Variants in PTH2R observed in about 807,000 individuals in gnomAD.
PTH2R encodes parathyroid hormone 2 receptor.
Under a neutral mutation model 60.3 loss-of-function variants are expected in PTH2R, and 59 were observed. The observed-to-expected ratio is 0.98, with a 90% CI of 0.79 to 1.22. The LOEUF is 1.22. Ranked by LOEUF, PTH2R falls within the 50% of genes most tolerant of loss-of-function variation. The pLI, the probability that PTH2R is intolerant of heterozygous loss-of-function variation, is 0.00. For synonymous variants in PTH2R, 256 were observed against 243.8 expected (o/e 1.05, Z -0.47); for missense variants, 749 against 682.6 (o/e 1.10, Z -1.08).
chr2:208,476,360 C>A (rs1360488518), intron 9 of PTH2R, among the ~76,000 whole-genome samples: 1 of 152,144 alleles, frequency 6.6e-6, no homozygotes, highest in Non-Finnish European at 1.5e-5. Context: ...AGAGAAAAAT[C>A]TCCCCTTCAG....
intron 11 of PTH2R, among the ~76,000 whole-genome samples, chr2:208,489,375 A>G (rs888512198): frequency 2.0e-5 from 3 of 152,152 alleles, no homozygotes; most frequent in Non-Finnish European, 4.4e-5. Context: ...GCTGTTCGTC[A>G]CACAAAAAAA....
At chr2:208,477,719 AG>A (rs201720524) in intron 9 of PTH2R, among the ~76,000 whole-genome samples, 2,205 of 152,116 alleles carry the variant, frequency 0.014, 22 homozygotes, top group Middle Eastern at 0.044. Context: ...TGTTTATTAA[AG>A]GTCATGTTAT....
intron 11 of PTH2R, among the ~76,000 whole-genome samples, chr2:208,490,288 G>A (rs1374990540): frequency 6.6e-6 from 1 of 152,006 alleles, no homozygotes; most frequent in Non-Finnish European, 1.5e-5. Context: ...CTTTATGTTT[G>A]TAGTTTTCAG....
At chr2:208,423,096 CCTCTTAA>C (rs1701788956) in intron 1 of PTH2R, among the ~76,000 whole-genome samples, 1 of 151,406 alleles carries the variant, frequency 6.6e-6, no homozygotes, top group Admixed American at 6.6e-5. Context: ...ATTGATTTAT[CCTCTTAA>C]CTTTATGATG....
At chr2:208,401,639 C>T (rs1701311588) in intron 1 of PTH2R, among the ~76,000 whole-genome samples, 1 of 152,104 alleles carries the variant, frequency 6.6e-6, no homozygotes, top group Non-Finnish European at 1.5e-5. Flanking sequence ...AGAATCCCTC[C>T]TGTTCTGCCC....
intron 1 of PTH2R, among the ~76,000 whole-genome samples, chr2:208,380,074 C>CATG (rs1224885259): frequency 2.0e-5 from 3 of 152,210 alleles, no homozygotes; most frequent in Non-Finnish European, 2.9e-5. Flanking sequence ...TAAGGACAGC[C>CATG]ATGAGGTCAA....
At chr2:208,460,022 C>A in intron 9 of PTH2R, 61 bp downstream of exon 9, 2 of 1,416,470 alleles carry the variant, frequency 1.4e-6, no homozygotes, top group Non-Finnish European at 2.0e-6. Context: ...TGCTAAAACC[C>A]AGAGAAAGTG....
chr2:208,423,163 T>G (rs1701790534), intron 1 of PTH2R, among the ~76,000 whole-genome samples: 1 of 152,118 alleles, frequency 6.6e-6, no homozygotes, highest in East Asian at 1.9e-4. Flanking sequence ...TTTTGTAGGT[T>G]CTCGGGGTGG....
At chr2:208,405,253 G>C (rs373380294), upstream of PTH2R, among the ~76,000 whole-genome samples, 1 of 151,920 alleles carries the variant, frequency 6.6e-6, no homozygotes, top group Non-Finnish European at 1.5e-5. Context: ...ATTATGAAAC[G>C]GTAGAAAAGA....
At chr2:208,437,451 A>C in intron 2 of PTH2R, 86 bp from the exon 3 acceptor site, 1 of 1,081,184 alleles carries the variant, frequency 9.2e-7, no homozygotes, top group Non-Finnish European at 1.3e-6. Context: ...ACAATGACCT[A>C]AAATTTTGTT....
intron 1 of PTH2R, among the ~76,000 whole-genome samples, chr2:208,383,762 C>T (rs1034969439): frequency 7.2e-5 from 11 of 152,184 alleles, no homozygotes; most frequent in African/African-American, 2.7e-4. Flanking sequence ...TGATGATTCA[C>T]AATGAACACA....
chr2:208,387,327 CATAA>C (rs1036460528), intron 1 of PTH2R, among the ~76,000 whole-genome samples: 2 of 152,158 alleles, frequency 1.3e-5, no homozygotes, highest in African/African-American at 4.8e-5. Context: ...TTATTTAAAT[CATAA>C]ATAAACAGTC....
At chr2:208,406,305 C>A (rs1439818867), upstream of PTH2R, among the ~76,000 whole-genome samples, 1 of 152,062 alleles carries the variant, frequency 6.6e-6, no homozygotes, top group Non-Finnish European at 1.5e-5. Context: ...CAATACCACA[C>A]AAAGAACTTT....
intron 12 of PTH2R, 151 bp downstream of exon 12, chr2:208,490,831 AAAG>A (rs1210275551): frequency 1.3e-6 from 1 of 753,176 alleles, no homozygotes. Flanking sequence ...TTTGGAAAAG[AAAG>A]AATTAGTGCA....
intron 1 of PTH2R, among the ~76,000 whole-genome samples, chr2:208,379,572 C>A (rs887592352): frequency 1.3e-5 from 2 of 152,048 alleles, no homozygotes; most frequent in Non-Finnish European, 2.9e-5. Flanking sequence ...TTAAAGAGAA[C>A]CTTGGGCTCT....
chr2:208,415,522 AG>A (rs1559213010), intron 1 of PTH2R, among the ~76,000 whole-genome samples: 1 of 152,212 alleles, frequency 6.6e-6, no homozygotes, highest in African/African-American at 2.4e-5. Flanking sequence ...GCTACCAGGG[AG>A]AACCCATCAT....
chr2:208,468,299 A>C (rs1046119046), intron 9 of PTH2R, among the ~76,000 whole-genome samples: 1 of 152,204 alleles, frequency 6.6e-6, no homozygotes, highest in Non-Finnish European at 1.5e-5. Flanking sequence ...TAGTTCTTAC[A>C]ATATACTGAG....
rs540660376 is a variant in PTH2R, at chr2:208,454,708, T to C, written c.914+3899T>C. Among the ~76,000 whole-genome samples, 105 of 152,362 alleles carry C rather than the reference T, an allele frequency of 6.9e-4. 1 individual carries two copies. The highest frequency in any genetic ancestry group is 3.4e-3 in the Middle Eastern group (1 of 294). ...TTTAAAGAGAGGCAGCTTTAACCTATATATGCAGTAATGCCAAGCATTCTT... is the reference window on the plus strand; with the variant it reads ...TTTAAAGAGAGGCAGCTTTAACCTACATATGCAGTAATGCCAAGCATTCTT... On this transcript the variant is annotated intron_variant, in intron 8 of 12. Transcript: ENST00000272847.
chr2:208,409,016 CCTAA>C (rs1701485673), intron 1 of PTH2R, among the ~76,000 whole-genome samples: 1 of 152,096 alleles, frequency 6.6e-6, no homozygotes, highest in Non-Finnish European at 1.5e-5. Context: ...CCCCCCTCCC[CCTAA>C]CTGAGACAAC....
Sources: gnomAD v4.1 joint callset for allele counts (sites outside exome capture counted in the v4.1 genomes callset) on GRCh38, gnomAD v4.1.1 for gene constraint, MANE v1.5 for transcripts, NCBI Gene and HGNC (gene_info 2026-07-23, HGNC 2026-07-21) for gene names.